The following COL4A4 variants were observed in gnomAD, a reference collection of about 807,000 sequenced individuals.
COL4A4 encodes the protein collagen type IV alpha 4 chain, also known as collagen alpha-4(IV) chain.
A neutral mutation model predicts 192.9 loss-of-function variants in COL4A4; 105 were observed. That is an observed-to-expected ratio of 0.54 (90% confidence interval 0.46 to 0.64). The LOEUF is 0.64. Ranked by LOEUF, COL4A4 falls within the 30% of genes least tolerant of loss-of-function variation. The pLI is 0.00. For missense variants in COL4A4, 1,967 were observed against 2,169.3 expected, an observed-to-expected ratio of 0.91 and a Z score of 1.85; for synonymous variants, 762 against 769.9, an observed-to-expected ratio of 0.99 and a Z score of 0.17.
chr2:227,129,407 T>A (rs1272731615), intron 4 of COL4A4, among the ~76,000 whole-genome samples: 1 of 142,406 alleles, frequency 7.0e-6, no homozygotes, highest in Non-Finnish European at 1.5e-5. Flanking sequence ...TGTCTTCTAG[T>A]ATACTTTTTT....
chr2:227,129,774 CTG>C (rs2062318512), intron 4 of COL4A4, among the ~76,000 whole-genome samples: 1 of 152,180 alleles, frequency 6.6e-6, no homozygotes, highest in African/African-American at 2.4e-5. Context: ...ATCTTGACCA[CTG>C]TCTTGCACAG....
Position 227,079,853 on chromosome 2 carries a change from T to G in COL4A4, c.1803+590A>C, listed in dbSNP as rs564987155. On this transcript the variant is annotated intron_variant, in intron 24 of 47. Coordinates refer to ENST00000396625, the MANE Select transcript of COL4A4 (RefSeq NM_000092.5). ...AATACTGCACATATTTAAGATATTTTAAGTTCCTAAGCATCGGATCATCTC... is the reference window on the plus strand; with the variant it reads ...AATACTGCACATATTTAAGATATTTGAAGTTCCTAAGCATCGGATCATCTC... Among the ~76,000 whole-genome samples, 12 of 152,366 alleles carry G rather than the reference T, an allele frequency of 7.9e-5. No homozygotes were observed. The East Asian group carries it at 2.3e-3, about 29-fold the overall frequency.
intron 23 of COL4A4, among the ~76,000 whole-genome samples, chr2:227,081,651 T>C (rs187214958): frequency 2.6e-5 from 4 of 152,362 alleles, no homozygotes; most frequent in African/African-American, 9.6e-5. Flanking sequence ...CCTTTTCATA[T>C]ACACATATAT....
intron 32 of COL4A4, 139 bp from the exon 33 acceptor site, chr2:227,051,297 G>C: frequency 1.2e-6 from 1 of 860,260 alleles, no homozygotes; most frequent in Admixed American, 1.9e-5. Flanking sequence ...GCCGCTTCCT[G>C]ATCATTTCTG....
chr2:227,047,612 A>G lies in COL4A4; in HGVS notation c.3215-63T>C, dbSNP rs1342846363. 3 of 1,116,366 alleles carry G rather than the reference A, an allele frequency of 2.7e-6. No homozygotes were observed. The Admixed American group carries it at 5.2e-5, about 19-fold the overall frequency. The allele number at this position is 1,116,366 out of a possible 1,614,324, so 69.2% of individuals were successfully genotyped here. A position where few individuals can be genotyped will look rare whatever the true frequency, so the allele number is the denominator to read the frequency against. ...AATTTAATTTGGTCTCATACAGGTGACAGTAACGTTTATGGTATTTGTATA... is the reference window on the plus strand; with the variant it reads ...AATTTAATTTGGTCTCATACAGGTGGCAGTAACGTTTATGGTATTTGTATA... On this transcript the variant is annotated intron_variant, in intron 34 of 47. Transcript: ENST00000396625.
chr2:227,041,848 G>GAGAGAGAGAGAGAGAGAGAA (rs1971305412), intron 37 of COL4A4, among the ~76,000 whole-genome samples: 4 of 38,690 alleles, frequency 1.0e-4, no homozygotes, highest in Non-Finnish European at 1.9e-4. Context: ...AAGAAAGAAA[G>GAGAGAGAGAGAGAGAGAGAA]AGAAAGAAAG....
At chr2:227,008,382 G>C in intron 46 of COL4A4, 78 bp from the exon 47 acceptor site, 1 of 1,499,310 alleles carries the variant, frequency 6.7e-7, no homozygotes, top group African/African-American at 1.4e-5. Context: ...CCTCCATCTG[G>C]CCTTTGCAGA....
chr2:227,148,510 T>C (rs73088254), intron 1 of COL4A4, among the ~76,000 whole-genome samples: 13,669 of 152,208 alleles, frequency 0.09, 1,994 homozygotes, highest in African/African-American at 0.31. Flanking sequence ...TTGAGTTTCT[T>C]TCTGGGATGA....
At chr2:226,994,054 T>C in the COL4A4 span, among the ~76,000 whole-genome samples, 1 of 152,146 alleles carries the variant, frequency 6.6e-6, no homozygotes. Context: ...TCCAAGGCCA[T>C]GTGTGCTGGC....
At chr2:226,980,638 G>A in the COL4A4 span, among the ~76,000 whole-genome samples, 1 of 152,022 alleles carries the variant, frequency 6.6e-6, no homozygotes, top group South Asian at 2.1e-4. Context: ...GGTTCCTTAT[G>A]GTCTTAAAAC....
intron 10 of COL4A4, 26 bp downstream of exon 10, chr2:227,109,198 G>T: frequency 1.9e-6 from 3 of 1,605,690 alleles, no homozygotes; most frequent in Non-Finnish European, 2.6e-6. Flanking sequence ...TTTTTAAAGG[G>T]ATCACATCAG....
chr2:227,111,062 G>T (rs906875539), intron 9 of COL4A4, among the ~76,000 whole-genome samples: 2 of 152,168 alleles, frequency 1.3e-5, no homozygotes, highest in African/African-American at 4.8e-5. Context: ...TGGTCTGGGC[G>T]GCCCTCGGTG....
At chr2:226,974,814 C>T in the COL4A4 span, among the ~76,000 whole-genome samples, 13 of 152,158 alleles carry the variant, frequency 8.5e-5, no homozygotes, top group African/African-American at 2.4e-4. Flanking sequence ...ACAGTGCTCA[C>T]GGTGTCATCG....
chr2:227,045,800 A>C (rs1972388204), intron 35 of COL4A4, among the ~76,000 whole-genome samples: 3 of 44,546 alleles, frequency 6.7e-5, no homozygotes, highest in South Asian at 9.2e-4. Context: ...ATATATATAC[A>C]CATATATATA....
chr2:226,976,210 G>A, the COL4A4 span, among the ~76,000 whole-genome samples: 2 of 149,198 alleles, frequency 1.3e-5, no homozygotes, highest in East Asian at 2.0e-4. Context: ...CAGTCCAGGT[G>A]TGGAGCTCTT....
chr2:227,109,165 C>T (rs776749408), intron 10 of COL4A4, 59 bp downstream of exon 10: 28 of 1,519,632 alleles, frequency 1.8e-5, no homozygotes, highest in Non-Finnish European at 2.6e-5. Context: ...AATGTTGCTT[C>T]TTTATTTTCA....
chr2:227,041,707 GGAAGGAAGGGAGGAGGAAGGAAGGA>G (rs1970904683), intron 37 of COL4A4, among the ~76,000 whole-genome samples: 4 of 118,042 alleles, frequency 3.4e-5, no homozygotes, highest in African/African-American at 1.5e-4. Flanking sequence ...AGAGAGAGAA[GGAAGGAAGGGAGGAGGAAGGAAGGA>G]AGGAAGGAAG....
chr2:227,089,583 T>A (rs557735859), intron 21 of COL4A4, among the ~76,000 whole-genome samples: 2 of 77,022 alleles, frequency 2.6e-5, no homozygotes, highest in African/African-American at 7.6e-5. Flanking sequence ...GGCAGGCAAA[T>A]GTTCCATATA....
chr2:227,047,040 A>G (rs1414536053), intron 35 of COL4A4, among the ~76,000 whole-genome samples: 1 of 152,116 alleles, frequency 6.6e-6, no homozygotes, highest in Non-Finnish European at 1.5e-5. Flanking sequence ...TTACACTGGC[A>G]TGTGCTTTTC....
Sources: gnomAD v4.1 joint callset for allele counts (sites outside exome capture counted in the v4.1 genomes callset) on GRCh38, gnomAD v4.1.1 for gene constraint, MANE v1.5 for transcripts, NCBI Gene and HGNC (gene_info 2026-07-23, HGNC 2026-07-21) for gene names.